The following SORL1 variants were observed in gnomAD, a reference collection of about 807,000 sequenced individuals.
The protein encoded by SORL1 is sortilin-related receptor.
SORL1 carries 127 observed loss-of-function variants against 273.7 expected under a neutral mutation model. The ratio of observed to expected loss-of-function variants is 0.46; its 90% CI spans 0.40 to 0.54. The LOEUF is 0.54. Among genes scored for constraint, SORL1 ranks in the 20% least tolerant of loss-of-function variants. The pLI is 0.00. For synonymous variants in SORL1, 1,031 were observed against 1,067.4 expected (o/e 0.97, Z 0.66); for missense variants, 2,494 against 2,846.1 (o/e 0.88, Z 2.81).
chr11:121,589,446 T>C, intron 29 of SORL1, 56 bp downstream of exon 29: 1 of 1,601,276 alleles, frequency 6.2e-7, no homozygotes. Context: ...CAGTGATGCC[T>C]GCAGTTACAG....
At chr11:121,520,965 T>A in intron 9 of SORL1, 116 bp downstream of exon 9, 1 of 624,314 alleles carries the variant, frequency 1.6e-6, no homozygotes, top group Non-Finnish European at 2.5e-6. Flanking sequence ...GGTATTCTAT[T>A]AATATCACAT....
chr11:121,633,521 G>A lies in SORL1; in HGVS notation c.*3958G>A, dbSNP rs1319910000. ...CACTGTATACTTGTTTCTCTCCAAA[G>A]CGAAATTAAGTATTTATAATTTCAA... On this transcript the variant is annotated 3_prime_UTR_variant, in exon 48 of 48. Coordinates refer to ENST00000260197, the MANE Select transcript of SORL1 (RefSeq NM_003105.6). 6.6e-6 allele frequency: 1 copy of A among 152,170 alleles called. No individual in the cohort carries two copies. Among genetic ancestry groups the A allele is most frequent in the East Asian group, 1.9e-4 (1 of 5,198 alleles). The allele number at this position is 152,170 out of a possible 1,614,324, so 9.4% of individuals were successfully genotyped here. A position where few individuals can be genotyped will look rare whatever the true frequency, so the allele number is the denominator to read the frequency against.
intron 28 of SORL1, among the ~76,000 whole-genome samples, chr11:121,588,641 T>C (rs1241228960): frequency 6.6e-6 from 1 of 152,218 alleles, no homozygotes; most frequent in Non-Finnish European, 1.5e-5. Flanking sequence ...AATAGTGCCC[T>C]TCTTGGAGCA....
At chr11:121,500,013 G>A (rs1861688735) in intron 6 of SORL1, among the ~76,000 whole-genome samples, 1 of 152,148 alleles carries the variant, frequency 6.6e-6, no homozygotes, top group Non-Finnish European at 1.5e-5. Context: ...GCCTCGCTCT[G>A]GCTTTATAAT....
chr11:121,615,141 CTT>C, intron 41 of SORL1, 86 bp downstream of exon 41: 1 of 1,186,322 alleles, frequency 8.4e-7, no homozygotes, highest in Non-Finnish European at 1.2e-6. Context: ...GCTTTTCTCT[CTT>C]TTGCAAATGT....
At chr11:121,454,205 C>T (rs1860863773) in intron 1 of SORL1, among the ~76,000 whole-genome samples, 1 of 152,224 alleles carries the variant, frequency 6.6e-6, no homozygotes, top group Non-Finnish European at 1.5e-5. Context: ...GGAGGAGTGG[C>T]CCACTTCTTC....
In SORL1 at chr11:121,554,744, T is replaced by C. The variant is rs1200269538; in HGVS notation, c.2440-443T>C. On this transcript the variant is annotated intron_variant, in intron 17 of 47. Coordinates refer to ENST00000260197, the MANE Select transcript of SORL1 (RefSeq NM_003105.6). This position sits in a 1 kb window ranked among gnomAD's most constrained non-coding sequence, Gnocchi z 4.6. ...TTGGGGTGGGGGATGGCGGTGATGCTGAATGGAGCTGTCCAACAATAGCAC... is the reference window on the plus strand; with the variant it reads ...TTGGGGTGGGGGATGGCGGTGATGCCGAATGGAGCTGTCCAACAATAGCAC... Among the ~76,000 whole-genome samples the C allele has an allele frequency of 3.9e-5, 6 of 152,166 alleles. No homozygotes were observed. Among genetic ancestry groups the C allele is most frequent in the Non-Finnish European group, 4.4e-5 (3 of 68,030 alleles).
At chr11:121,616,201 C>T (rs1863637588) in intron 41 of SORL1, among the ~76,000 whole-genome samples, 1 of 152,220 alleles carries the variant, frequency 6.6e-6, no homozygotes, top group Non-Finnish European at 1.5e-5. Flanking sequence ...GCACAGAACA[C>T]TGAAGCCTGA....
chr11:121,455,991 TAA>T (rs35906996), intron 1 of SORL1, among the ~76,000 whole-genome samples: 63 of 116,446 alleles, frequency 5.4e-4, no homozygotes, highest in Non-Finnish European at 4.2e-4. Context: ...AGACTCCATC[TAA>T]AAAAAAAAAA....
chr11:121,556,481 C>G (rs1354131445), intron 18 of SORL1, among the ~76,000 whole-genome samples: 1 of 152,148 alleles, frequency 6.6e-6, no homozygotes, highest in African/African-American at 2.4e-5. Flanking sequence ...AATGCTGCCT[C>G]GGTGGTTATG....
Position 121,605,526 on chromosome 11 carries a change from G to A in SORL1, c.4903G>A (p.Ala1635Thr), listed in dbSNP as rs1863455755. The A allele has an allele frequency of 6.2e-7, 1 of 1,614,114 alleles. No individual in the cohort carries two copies. The highest frequency in any genetic ancestry group is 8.5e-7 in the Non-Finnish European group (1 of 1,179,994). Reference sequence around the variant, plus strand: ...AGTACAGGTTCAGTGTCTCAGCAAGGCACACAACACCAATGACTTTGTGAC... The same window carrying A: ...AGTACAGGTTCAGTGTCTCAGCAAGACACACAACACCAATGACTTTGTGAC... ...VKVQVQCLSK[A>T]HNTNDFVTLR... Residue 1635 changes from alanine (A) to threonine (T), a missense_variant, in exon 35 of 48, where the codon GCA becomes ACA. Ala to Thr is a moderately conservative substitution (Grantham distance 58). This residue lies in a region of SORL1 where 1,609 missense variants were observed against 1,816.4 expected (regional missense o/e 0.89). Transcript: ENST00000260197.
In SORL1 at chr11:121,488,146, G is replaced by A; in HGVS notation, c.643G>A (p.Ala215Thr). Residue 215 changes from alanine to threonine, a missense_variant, in exon 4 of 48, where the codon GCC (alanine) becomes ACC (threonine). Transcript: ENST00000260197. ...RAADLLLHSK[A>T]SNLLLGFDRS... ...AGCTGATCTCCTCCTACACAGTAAG[G>A]CCTCCAACCTTCTCTTGGGCTTTGA... The A allele has an allele frequency of 1.9e-6, 3 of 1,614,118 alleles. No individual in the cohort carries two copies. The highest frequency in any genetic ancestry group is 2.5e-6 in the Non-Finnish European group (3 of 1,180,016).
In SORL1 at chr11:121,630,164, C is replaced by A. The variant is rs114248842; in HGVS notation, c.*601C>A. On this transcript the variant is annotated 3_prime_UTR_variant, in exon 48 of 48. Coordinates refer to ENST00000260197, the MANE Select transcript of SORL1 (RefSeq NM_003105.6). ...AGAGAAGCATATTTTTTTGCCATTC[C>A]GGAAGCAATCCATTTTTATTCACTT... The A allele has an allele frequency of 6.5e-6, 1 of 152,694 alleles. No individual in the cohort carries two copies. Among genetic ancestry groups the A allele is most frequent in the Non-Finnish European group, 1.5e-5 (1 of 68,456 alleles). 9.5% of individuals were successfully genotyped at this position (152,694 alleles called of 1,614,324 possible). A position where few individuals can be genotyped will look rare whatever the true frequency, so the allele number is the denominator to read the frequency against.
At chr11:121,504,096 C>T (rs1861752751) in intron 6 of SORL1, among the ~76,000 whole-genome samples, 1 of 152,148 alleles carries the variant, frequency 6.6e-6, no homozygotes, top group African/African-American at 2.4e-5. Flanking sequence ...TTTCAGTGTA[C>T]AAGTCCCGGA....
chr11:121,522,546 G>A, intron 9 of SORL1, 40 bp from the exon 10 acceptor site: 1 of 1,421,544 alleles, frequency 7.0e-7, no homozygotes, highest in Non-Finnish European at 1.0e-6. Context: ...GCTAGGCATG[G>A]TATCATGTGC....
rs961626232 is a variant in SORL1 at position 121,554,489 on chromosome 11, T to A, written c.2439+380T>A. Among the ~76,000 whole-genome samples the A allele has an allele frequency of 5.9e-5, 9 of 152,196 alleles. No homozygotes were observed. The highest frequency in any genetic ancestry group is 1.3e-4 in the Non-Finnish European group (9 of 68,032). Reference sequence around the variant, plus strand: ...ACACTTGACTTACCCATAGCTCACATAATTATCCACTTCAGCTGTTCTGAA... The same window carrying A: ...ACACTTGACTTACCCATAGCTCACAAAATTATCCACTTCAGCTGTTCTGAA... On this transcript the variant is annotated intron_variant, in intron 17 of 47. Coordinates refer to ENST00000260197, the MANE Select transcript of SORL1 (RefSeq NM_003105.6). This position sits in a 1 kb window ranked among gnomAD's most constrained non-coding sequence, Gnocchi z 4.6.
Position 121,554,491 on chromosome 11 carries a change from A to G in SORL1, c.2439+382A>G, listed in dbSNP as rs117597591. On this transcript the variant is annotated intron_variant, in intron 17 of 47. Transcript: ENST00000260197. The surrounding 1 kb of genome is among the most constrained non-coding windows in gnomAD (Gnocchi z 4.6). ...ACTTGACTTACCCATAGCTCACATA[A>G]TTATCCACTTCAGCTGTTCTGAACA... 9.6e-3 allele frequency among the ~76,000 whole-genome samples: 1,462 copies of G among 152,318 alleles called. 13 individuals carry two copies. The highest frequency in any genetic ancestry group is 0.014 in the Non-Finnish European group (944 of 68,028).
chr11:121,502,379 A>T (rs1054937038), intron 6 of SORL1, among the ~76,000 whole-genome samples: 3 of 151,758 alleles, frequency 2.0e-5, no homozygotes, highest in East Asian at 3.9e-4. Flanking sequence ...CTCGTGATCC[A>T]CCCACCTCGG....
intron 25 of SORL1, among the ~76,000 whole-genome samples, chr11:121,581,075 G>A (rs1863008706): frequency 6.6e-6 from 1 of 152,004 alleles, no homozygotes; most frequent in Non-Finnish European, 1.5e-5. Context: ...AGCAGGCCTG[G>A]CTAGTTTTGT....
Sources: allele counts gnomAD v4.1 joint callset (sites outside exome capture counted in the v4.1 genomes callset), GRCh38; gene constraint gnomAD v4.1.1; regional missense constraint gnomAD v4.1.1; non-coding constraint Gnocchi (gnomAD v3.1); transcripts MANE v1.5; gene names NCBI Gene and HGNC (gene_info 2026-07-23, HGNC 2026-07-21).